The following UBE2E2 variants were observed in gnomAD, a reference collection of about 807,000 sequenced individuals.
The protein encoded by UBE2E2 is ubiquitin conjugating enzyme E2 E2.
A neutral mutation model predicts 24.7 loss-of-function variants in UBE2E2; 6 were observed. The ratio of observed to expected loss-of-function variants is 0.24; its 90% confidence interval spans 0.13 to 0.48. UBE2E2 has a LOEUF of 0.48. Ranked by LOEUF, UBE2E2 falls within the 20% of genes least tolerant of loss-of-function variation. The probability of loss-of-function intolerance (pLI) is 0.99; values close to 1 mark genes in which losing one functional copy is unlikely to be tolerated. For synonymous variants in UBE2E2, 104 were observed against 83.6 expected (o/e 1.24, Z -1.33); for missense variants, 169 against 245.0 (o/e 0.69, Z 2.07).
chr3:23,276,006 G>A (rs1698367423), intron 3 of UBE2E2, among the ~76,000 whole-genome samples: 1 of 152,062 alleles, frequency 6.6e-6, no homozygotes, highest in African/African-American at 2.4e-5. Flanking sequence ...GATACCAGGG[G>A]CTTTGCAGAT....
intron 3 of UBE2E2, among the ~76,000 whole-genome samples, chr3:23,381,503 AAGGTAATGG>A (rs1477870619): frequency 6.6e-6 from 1 of 152,158 alleles, no homozygotes; most frequent in African/African-American, 2.4e-5. Context: ...AAAGCACTCT[AAGGTAATGG>A]GTGTGTGTTA....
At chr3:23,432,937 TAGAA>T (rs1415625455) in intron 3 of UBE2E2, among the ~76,000 whole-genome samples, 4 of 151,964 alleles carry the variant, frequency 2.6e-5, no homozygotes, top group Non-Finnish European at 5.9e-5. Flanking sequence ...GATATCATGA[TAGAA>T]AGATTCTTGA....
chr3:23,363,537 C>G (rs75803169), intron 3 of UBE2E2, among the ~76,000 whole-genome samples: 2,166 of 152,240 alleles, frequency 0.014, 53 homozygotes, highest in African/African-American at 0.05. Context: ...CACCAATGAT[C>G]AGAAAACACA....
At chr3:23,257,992 T>C (rs1439378693) in intron 3 of UBE2E2, among the ~76,000 whole-genome samples, 3 of 152,088 alleles carry the variant, frequency 2.0e-5, no homozygotes, top group Non-Finnish European at 4.4e-5. Flanking sequence ...TGGAAATGGA[T>C]TAAAAAAAGG....
At chr3:23,320,100 A>T (rs562900747) in intron 3 of UBE2E2, among the ~76,000 whole-genome samples, 1 of 152,326 alleles carries the variant, frequency 6.6e-6, no homozygotes, top group South Asian at 2.1e-4. Context: ...GAGTGATTAC[A>T]GTGCCTAGTG....
intron 3 of UBE2E2, among the ~76,000 whole-genome samples, chr3:23,315,467 T>C (rs1047256647): frequency 9.8e-5 from 15 of 152,350 alleles, no homozygotes; most frequent in African/African-American, 3.6e-4. Context: ...TGCTGGATGC[T>C]TTTTAATTAT....
At chr3:23,310,022 C>A (rs1400474061) in intron 3 of UBE2E2, among the ~76,000 whole-genome samples, 1 of 152,066 alleles carries the variant, frequency 6.6e-6, no homozygotes, top group Non-Finnish European at 1.5e-5. Context: ...CTGTCACATT[C>A]TTTTTATGAG....
At chr3:23,371,361 G>C (rs961186820) in intron 3 of UBE2E2, among the ~76,000 whole-genome samples, 25 of 152,068 alleles carry the variant, frequency 1.6e-4, no homozygotes, top group African/African-American at 5.8e-4. Context: ...ATGTTTTTGA[G>C]TTATTAAATA....
At chr3:23,305,632 C>T (rs182815433) in intron 3 of UBE2E2, among the ~76,000 whole-genome samples, 2 of 152,268 alleles carry the variant, frequency 1.3e-5, no homozygotes, top group South Asian at 2.1e-4. Flanking sequence ...GAGGGAGGTC[C>T]GTGTGCCACA....
intron 3 of UBE2E2, among the ~76,000 whole-genome samples, chr3:23,396,195 G>T (rs1280972334): frequency 6.6e-6 from 1 of 150,782 alleles, no homozygotes; most frequent in African/African-American, 2.4e-5. Flanking sequence ...TTTTGCCTAT[G>T]AATTTGTAAA....
At chr3:23,387,075 C>T (rs1696819721) in intron 3 of UBE2E2, among the ~76,000 whole-genome samples, 1 of 152,198 alleles carries the variant, frequency 6.6e-6, no homozygotes, top group Non-Finnish European at 1.5e-5. Flanking sequence ...CAAAGACTTT[C>T]TGATTTCAGG....
At chr3:23,259,843 A>T (rs1002635922) in intron 3 of UBE2E2, among the ~76,000 whole-genome samples, 4 of 152,202 alleles carry the variant, frequency 2.6e-5, no homozygotes, top group Non-Finnish European at 2.9e-5. Flanking sequence ...AGCTTTGCCT[A>T]TTAACTTTTC....
At chr3:23,354,984 G>A (rs1436391538) in intron 3 of UBE2E2, among the ~76,000 whole-genome samples, 1 of 151,898 alleles carries the variant, frequency 6.6e-6, no homozygotes, top group South Asian at 2.1e-4. Context: ...CAACCCAAAT[G>A]TCCAACAACG....
chr3:23,435,994 C>T (rs1698171699), intron 3 of UBE2E2, among the ~76,000 whole-genome samples: 1 of 152,080 alleles, frequency 6.6e-6, no homozygotes, highest in South Asian at 2.1e-4. Flanking sequence ...AGTCTAGATA[C>T]CTCGCACGCA....
chr3:23,584,556 C>CTT (rs71947394), intron 5 of UBE2E2, among the ~76,000 whole-genome samples: 133 of 145,020 alleles, frequency 9.2e-4, no homozygotes, highest in South Asian at 2.4e-3. Context: ...ATATGACAAT[C>CTT]TTTTTTTTTT....
intron 3 of UBE2E2, among the ~76,000 whole-genome samples, chr3:23,342,367 G>GT (rs887118433): frequency 5.9e-5 from 9 of 152,186 alleles, no homozygotes; most frequent in Non-Finnish European, 1.0e-4. Context: ...TGGAGATGGA[G>GT]TTTCTCCATG....
chr3:23,424,851 T>A (rs1442974990), intron 3 of UBE2E2, among the ~76,000 whole-genome samples: 1 of 152,186 alleles, frequency 6.6e-6, no homozygotes, highest in Non-Finnish European at 1.5e-5. Context: ...GCAGAGGTAC[T>A]AAGCCAAATA....
At chr3:23,302,088 C>G (rs1452167211) in intron 3 of UBE2E2, among the ~76,000 whole-genome samples, 5 of 152,086 alleles carry the variant, frequency 3.3e-5, no homozygotes, top group Admixed American at 3.3e-4. Flanking sequence ...GTAATTTCCT[C>G]CATTCCAGGA....
chr3:23,478,474 T>C (rs1228376615), intron 3 of UBE2E2, among the ~76,000 whole-genome samples: 1 of 152,100 alleles, frequency 6.6e-6, no homozygotes, highest in Non-Finnish European at 1.5e-5. Flanking sequence ...TAAGTACAAA[T>C]AGAACACACA....
Sources: allele counts gnomAD v4.1 joint callset (sites outside exome capture counted in the v4.1 genomes callset), GRCh38; gene constraint gnomAD v4.1.1; transcripts MANE v1.5; gene names NCBI Gene and HGNC (gene_info 2026-07-23, HGNC 2026-07-21).